CEP95: variants seen among roughly 807,000 people sequenced by gnomAD.
CEP95 encodes centrosomal protein 95, also known as centrosomal protein of 95 kDa.
A neutral mutation model predicts 111.2 loss-of-function variants in CEP95; 98 were observed. The ratio of observed to expected loss-of-function variants is 0.88; its 90% confidence interval spans 0.75 to 1.04. The LOEUF (loss-of-function observed/expected upper bound fraction) is 1.04. CEP95 is among the 50% of genes least tolerant of loss of function. CEP95 has a pLI of 0.00. For synonymous variants in CEP95, 323 were observed against 327.1 expected (o/e 0.99, Z 0.14); for missense variants, 1,027 against 977.2 (o/e 1.05, Z -0.68).
At chr17:64,513,153 C>A (rs544605233) in intron 3 of CEP95, among the ~76,000 whole-genome samples, 21 of 152,260 alleles carry the variant, frequency 1.4e-4, no homozygotes, top group African/African-American at 5.1e-4. Flanking sequence ...TTGTTTTAAA[C>A]GAAAAAACTC....
intron 5 of CEP95, among the ~76,000 whole-genome samples, chr17:64,517,815 T>C (rs1966992398): frequency 6.6e-6 from 1 of 151,728 alleles, no homozygotes; most frequent in Admixed American, 6.6e-5. Context: ...ATTATAGGCA[T>C]GACCCACCTC....
At chr17:64,506,785 G>C (rs997496302), upstream of CEP95, 3 of 534,528 alleles carry the variant, frequency 5.6e-6, no homozygotes, top group African/African-American at 5.8e-5. Flanking sequence ...CCCGGGACCC[G>C]CCCGGGCTGC....
At chr17:64,519,024 C>T (rs1220155726) in intron 5 of CEP95, among the ~76,000 whole-genome samples, 3 of 152,072 alleles carry the variant, frequency 2.0e-5, no homozygotes, top group Non-Finnish European at 4.4e-5. Context: ...ACAAAATAAG[C>T]GCAAAAGTGA....
chr17:64,535,790 C>T (rs1968612660), intron 17 of CEP95: 1 of 152,062 alleles, frequency 6.6e-6, no homozygotes, highest in African/African-American at 2.4e-5. Context: ...CTTATAATAG[C>T]CTAAAAGGGG....
At chr17:64,531,791 C>T in intron 13 of CEP95, 99 bp from the exon 14 acceptor site, 1 of 876,772 alleles carries the variant, frequency 1.1e-6, no homozygotes, top group East Asian at 3.2e-5. Context: ...AACTAAAAAA[C>T]TACCGTTAGC....
chr17:64,521,500 A>G lies in CEP95; in HGVS notation c.688A>G (p.Lys230Glu). 6.2e-7 allele frequency: 1 copy of G among 1,612,480 alleles called. No individual in the cohort carries two copies. Among genetic ancestry groups the G allele is most frequent in the Non-Finnish European group, 8.5e-7 (1 of 1,179,002 alleles). The change falls in exon 7 of 20, where the codon AAG becomes GAG. Residue 230 changes from lysine (K) to glutamate (E), a missense_variant. Physicochemically the swap from Lys to Glu is moderately conservative, Grantham distance 56. Coordinates refer to ENST00000556440, the MANE Select transcript of CEP95 (RefSeq NM_138363.3). ...GTTGTACCCTCCTAGTGTTTTGTCC[A>G]AGAGTAGGACATCCTTTGTTGAAGA... Reference protein sequence around the residue: ...DMLYPPSVLSKSRTSFVEDTE... With the variant: ...DMLYPPSVLSESRTSFVEDTE...
intron 10 of CEP95, 47 bp from the exon 11 acceptor site, chr17:64,527,064 A>G (rs997233238): frequency 1.3e-6 from 2 of 1,549,160 alleles, no homozygotes; most frequent in Non-Finnish European, 1.8e-6. Flanking sequence ...ACGAATTTAC[A>G]TTCTGCTGAA....
At chr17:64,529,210 A>G in intron 11 of CEP95, 78 bp from the exon 12 acceptor site, 1 of 1,355,304 alleles carries the variant, frequency 7.4e-7, no homozygotes, top group Non-Finnish European at 1.0e-6. Context: ...CTTTGGATTT[A>G]GTGAAAACCA....
chr17:64,511,191 T>C (rs1555674804), intron 3 of CEP95, among the ~76,000 whole-genome samples: 2 of 152,160 alleles, frequency 1.3e-5, no homozygotes, highest in African/African-American at 4.8e-5. Flanking sequence ...TAATGAAGTT[T>C]TGGGCACCAT....
At chr17:64,522,197 A>G (rs1021394423) in intron 7 of CEP95, among the ~76,000 whole-genome samples, 1 of 152,164 alleles carries the variant, frequency 6.6e-6, no homozygotes, top group African/African-American at 2.4e-5. Context: ...GAATTTTCAT[A>G]TGGTAGTAAT....
intron 3 of CEP95, among the ~76,000 whole-genome samples, chr17:64,510,871 AGTCAC>A (rs1434616271): frequency 1.3e-5 from 2 of 152,182 alleles, no homozygotes; most frequent in Non-Finnish European, 2.9e-5. Flanking sequence ...CTGCCCCGAT[AGTCAC>A]GTAGGTTCTT....
At chr17:64,534,859 A>G in intron 17 of CEP95, 122 bp downstream of exon 17, 1 of 1,160,614 alleles carries the variant, frequency 8.6e-7, no homozygotes, top group Non-Finnish European at 1.3e-6. Context: ...GAAGTCCTAT[A>G]GTGCTGGCCC....
intron 8 of CEP95, among the ~76,000 whole-genome samples, chr17:64,523,415 AAC>A (rs1251840424): frequency 1.3e-5 from 2 of 152,176 alleles, no homozygotes; most frequent in East Asian, 1.9e-4. Flanking sequence ...AAATTTAGAA[AAC>A]ACAGAGTGGA....
rs1340281283 is a variant in CEP95 at position 64,537,338 on chromosome 17, C to CTAAT, written c.2289+228_2289+231dup. 13 of 1,405,214 alleles carry CTAAT rather than the reference C, an allele frequency of 9.3e-6. No homozygotes were observed. In the African/African-American group the frequency reaches 1.7e-4, roughly 19 times the overall value. The allele number at this position is 1,405,214 out of a possible 1,614,324, so 87.0% of individuals were successfully genotyped here. A position where few individuals can be genotyped will look rare whatever the true frequency, so the allele number is the denominator to read the frequency against. ...ATCTCCATCATTAAGTGACACATGA[C>CTAAT]TAATTTACATTTTTAGGAAGTAGAA... is the stretch of plus-strand genomic sequence containing the variant. On this transcript the variant is annotated intron_variant, in intron 19 of 19. Coordinates refer to ENST00000556440, the MANE Select transcript of CEP95 (RefSeq NM_138363.3).
chr17:64,533,282 C>T (rs1968417263), intron 16 of CEP95, 91 bp downstream of exon 16: 1 of 997,080 alleles, frequency 1.0e-6, no homozygotes, highest in Admixed American at 2.7e-5. Context: ...TGCACAGACC[C>T]TTAACCTCTT....
At chr17:64,514,135 T>A (rs1449089730) in intron 3 of CEP95, 113 bp from the exon 4 acceptor site, 2 of 519,266 alleles carry the variant, frequency 3.9e-6, no homozygotes, top group African/African-American at 3.8e-5. Flanking sequence ...AGTTGGTATG[T>A]ATCGCCTGTA....
intron 1 of CEP95, chr17:64,507,400 C>G: frequency 7.3e-7 from 1 of 1,376,704 alleles, no homozygotes; most frequent in Non-Finnish European, 9.4e-7. Flanking sequence ...GGGTCGTCCC[C>G]GGACTTGTCT....
rs782337349 is a variant in CEP95 at position 64,519,407 on chromosome 17, C to T, written c.560C>T (p.Thr187Ile). ...STGEIIRLGD[T>I]AHTFSLRSNG... ...GGTGAAATCATTAGACTTGGAGACA[C>T]AGCACACACCTTTTCTCTAAGAAGT... is the stretch of plus-strand genomic sequence containing the variant. Residue 187 changes from threonine (T) to isoleucine (I), a missense_variant, in exon 6 of 20, where the codon ACA becomes ATA. Thr to Ile is a moderately conservative substitution (Grantham distance 89). Coordinates refer to ENST00000556440, the MANE Select transcript of CEP95 (RefSeq NM_138363.3). 6.8e-6 allele frequency: 11 copies of T among 1,613,424 alleles called. No individual in the cohort carries two copies. In the East Asian group the frequency reaches 1.3e-4, roughly 20 times the overall value.
Position 64,525,864 on chromosome 17 carries a change from A to AGCC in CEP95, c.1005_1007dup (p.Pro337dup). On this transcript the variant is annotated inframe_insertion, in exon 9 of 20. Coordinates refer to ENST00000556440, the MANE Select transcript of CEP95 (RefSeq NM_138363.3). ...CAGGTCCAAGGGCCTAGGACAAGGAAGCCTCCCAAAGGAAAAAGGTAACAT... is the reference window on the plus strand; with the variant it reads ...CAGGTCCAAGGGCCTAGGACAAGGAAGCCGCCTCCCAAAGGAAAAAGGTAACAT... 6.3e-7 allele frequency: 1 copy of AGCC among 1,575,306 alleles called. No individual in the cohort carries two copies. The highest frequency in any genetic ancestry group is 1.2e-5 in the South Asian group (1 of 84,032).
Sources: allele counts gnomAD v4.1 joint callset (sites outside exome capture counted in the v4.1 genomes callset), GRCh38; gene constraint gnomAD v4.1.1; transcripts MANE v1.5; gene names NCBI Gene and HGNC (gene_info 2026-07-23, HGNC 2026-07-21).